The following SNTG1 variants were observed in gnomAD, a reference collection of about 807,000 sequenced individuals.
SNTG1 encodes syntrophin gamma 1, also known as gamma-1-syntrophin.
SNTG1 carries 39 observed loss-of-function variants against 74.7 expected under a neutral mutation model. That is an observed-to-expected ratio of 0.52 (90% CI 0.40 to 0.68). SNTG1 has a LOEUF of 0.68. Among genes scored for constraint, SNTG1 ranks in the 30% least tolerant of loss-of-function variants. The pLI, the probability that SNTG1 is intolerant of heterozygous loss-of-function variation, is 0.00. For missense variants in SNTG1, 685 were observed against 609.5 expected (o/e 1.12, Z -1.30); for synonymous variants, 254 against 217.1 (o/e 1.17, Z -1.49).
chr8:50,493,782 C>T (rs1563471733), intron 8 of SNTG1, among the ~76,000 whole-genome samples: 1 of 149,862 alleles, frequency 6.7e-6, no homozygotes. Flanking sequence ...ATTTAGTATA[C>T]TTTTATATAA....
intron 1 of SNTG1, among the ~76,000 whole-genome samples, chr8:49,983,176 G>C (rs553266443): frequency 2.0e-5 from 3 of 152,060 alleles, no homozygotes; most frequent in Non-Finnish European, 4.4e-5. Context: ...ACTTGTCTTT[G>C]TTACATAATT....
chr8:50,180,601 G>C (rs2083166143), intron 2 of SNTG1, among the ~76,000 whole-genome samples: 1 of 152,104 alleles, frequency 6.6e-6, no homozygotes, highest in Non-Finnish European at 1.5e-5. Flanking sequence ...GGAGAAAACA[G>C]ACTTCCTATT....
chr8:50,732,556 G>T (rs569402948), intron 17 of SNTG1, among the ~76,000 whole-genome samples: 1 of 151,704 alleles, frequency 6.6e-6, no homozygotes, highest in East Asian at 1.9e-4. Flanking sequence ...TTAATAATAA[G>T]GTGTTTAACA....
intron 1 of SNTG1, among the ~76,000 whole-genome samples, chr8:50,082,136 G>A (rs576349279): frequency 1.6e-4 from 24 of 152,120 alleles, no homozygotes; most frequent in African/African-American, 5.8e-4. Context: ...TGAATATTGA[G>A]TTCCTCTATG....
At chr8:50,510,529 T>G (rs568764721) in intron 9 of SNTG1, among the ~76,000 whole-genome samples, 89 of 152,344 alleles carry the variant, frequency 5.8e-4, no homozygotes, top group African/African-American at 2.0e-3. Context: ...AATTCAACTG[T>G]GAATCCATCT....
At chr8:50,182,549 A>C (rs775319290) in intron 2 of SNTG1, among the ~76,000 whole-genome samples, 1 of 152,146 alleles carries the variant, frequency 6.6e-6, no homozygotes, top group Non-Finnish European at 1.5e-5. Context: ...CAGATATCCT[A>C]ATATATTAGT....
At chr8:50,291,777 G>C (rs148924117) in intron 2 of SNTG1, among the ~76,000 whole-genome samples, 29 of 152,302 alleles carry the variant, frequency 1.9e-4, no homozygotes, top group Non-Finnish European at 3.5e-4. Flanking sequence ...ACTGTTGCTT[G>C]TGTCCTAGAC....
chr8:50,082,059 C>A (rs1248207129), intron 1 of SNTG1, among the ~76,000 whole-genome samples: 1 of 152,104 alleles, frequency 6.6e-6, no homozygotes, highest in Non-Finnish European at 1.5e-5. Flanking sequence ...CTAAATAATT[C>A]ATTTTTGTTA....
chr8:50,027,694 A>C (rs1169157729), intron 1 of SNTG1, among the ~76,000 whole-genome samples: 4 of 152,182 alleles, frequency 2.6e-5, no homozygotes, highest in African/African-American at 9.7e-5. Flanking sequence ...ACTGTGGAAG[A>C]ATAACTTTCT....
At chr8:49,934,393 G>T (rs1289280253) in intron 1 of SNTG1, among the ~76,000 whole-genome samples, 6 of 151,580 alleles carry the variant, frequency 4.0e-5, no homozygotes, top group Non-Finnish European at 5.9e-5. Context: ...ATATTATCAT[G>T]TAGACTTTCT....
At chr8:50,279,838 A>G (rs996320227) in intron 2 of SNTG1, among the ~76,000 whole-genome samples, 2 of 152,190 alleles carry the variant, frequency 1.3e-5, no homozygotes, top group African/African-American at 4.8e-5. Context: ...CAGGAAAAGT[A>G]CAGTGAAAAA....
intron 1 of SNTG1, among the ~76,000 whole-genome samples, chr8:50,092,495 G>A (rs1020341858): frequency 2.0e-5 from 3 of 152,084 alleles, no homozygotes; most frequent in Admixed American, 2.0e-4. Context: ...ATCCATTTCT[G>A]GAAAACTTGG....
rs552485415 is a variant in SNTG1 at position 50,769,127 on chromosome 8, C to T, written c.1395+17016C>T. 1.4e-4 allele frequency among the ~76,000 whole-genome samples: 21 copies of T among 151,720 alleles called. No individual in the cohort carries two copies. The South Asian group carries it at 4.2e-3, about 30-fold the overall frequency. On this transcript the variant is annotated intron_variant, in intron 18 of 18. Coordinates refer to ENST00000642720, the MANE Select transcript of SNTG1 (RefSeq NM_018967.5). ...TATTCTCCATCAGAATAGTGAATTT[C>T]TCTACCCGTTTGTGTTAAGAGTACT...
intron 8 of SNTG1, among the ~76,000 whole-genome samples, chr8:50,475,659 C>A (rs2093691453): frequency 6.6e-6 from 1 of 152,058 alleles, no homozygotes. Flanking sequence ...TCTTTCACAC[C>A]ATGGTTTGTG....
chr8:50,024,556 A>C (rs906743093), intron 1 of SNTG1, among the ~76,000 whole-genome samples: 1 of 152,148 alleles, frequency 6.6e-6, no homozygotes, highest in Non-Finnish European at 1.5e-5. Flanking sequence ...ACGTTCCAGG[A>C]CTTCCAGTGG....
At chr8:50,148,654 G>C (rs1185621227) in intron 1 of SNTG1, among the ~76,000 whole-genome samples, 1 of 152,124 alleles carries the variant, frequency 6.6e-6, no homozygotes, top group Non-Finnish European at 1.5e-5. Context: ...TGCGGTGTTT[G>C]GTTTTTTGTT....
chr8:50,027,541 T>C (rs1026740285), intron 1 of SNTG1, among the ~76,000 whole-genome samples: 2 of 152,186 alleles, frequency 1.3e-5, no homozygotes, highest in Non-Finnish European at 2.9e-5. Context: ...GGGTGCCATA[T>C]GACGACAGAG....
chr8:50,157,218 G>C (rs1045469247), intron 1 of SNTG1, among the ~76,000 whole-genome samples: 2 of 151,944 alleles, frequency 1.3e-5, no homozygotes, highest in African/African-American at 4.8e-5. Flanking sequence ...GCATAGCTGT[G>C]GTAGTATTTC....
chr8:50,503,935 C>A (rs1427052675), intron 9 of SNTG1, among the ~76,000 whole-genome samples: 1 of 152,126 alleles, frequency 6.6e-6, no homozygotes, highest in Non-Finnish European at 1.5e-5. Flanking sequence ...TGTACACAAA[C>A]CAGTTATTGA....
Sources: gnomAD v4.1 joint callset for allele counts (sites outside exome capture counted in the v4.1 genomes callset) on GRCh38, gnomAD v4.1.1 for gene constraint, MANE v1.5 for transcripts, NCBI Gene and HGNC (gene_info 2026-07-23, HGNC 2026-07-21) for gene names.